Variants in TRAF3IP3 observed in about 807,000 individuals in gnomAD.
The protein encoded by TRAF3IP3 is TRAF3-interacting JNK-activating modulator.
A neutral mutation model predicts 86.5 loss-of-function variants in TRAF3IP3; 64 were observed. The ratio of observed to expected loss-of-function variants is 0.74; its 90% CI spans 0.60 to 0.91. The LOEUF is 0.91. Ranked by LOEUF, TRAF3IP3 falls within the 40% of genes least tolerant of loss-of-function variation. The pLI is 0.00. For missense variants in TRAF3IP3, 579 were observed against 642.9 expected (o/e 0.90, Z 1.07); for synonymous variants, 220 against 243.9 (o/e 0.90, Z 0.91).
chr1:209,780,663 G>A, intron 15 of TRAF3IP3, 57 bp downstream of exon 15: 4 of 1,429,730 alleles, frequency 2.8e-6, no homozygotes, highest in African/African-American at 1.5e-5. Flanking sequence ...GAGAAACCTG[G>A]GAGGCAGTCA....
At chr1:209,758,721 A>T (rs1404823146) in intron 1 of TRAF3IP3, 1 of 152,284 alleles carries the variant, frequency 6.6e-6, no homozygotes. Flanking sequence ...CTCTTCCTTC[A>T]TCAGTCCCTG....
At position 209,775,698 on chromosome 1, in the gene TRAF3IP3, C is replaced by T. The variant is rs1367702250; in HGVS notation, c.1015C>T (p.Leu339=). The change falls in exon 11 of 17, where the codon CTG becomes TTG. Residue 339 remains leucine, a synonymous_variant. Coordinates refer to ENST00000367025, the MANE Select transcript of TRAF3IP3 (RefSeq NM_025228.4). ...GACCCTTGGGACCCAGCACAGGGAG[C>T]TGGAGAGCCAACTCCACGTGCTTCA... is the stretch of plus-strand genomic sequence containing the variant. ...WRTLGTQHRE[L]ESQLHVLQSK... The T allele has an allele frequency of 1.9e-6, 3 of 1,613,712 alleles. No homozygotes were observed. In the Admixed American group the frequency reaches 5.0e-5, roughly 27 times the overall value.
intron 4 of TRAF3IP3, 45 bp downstream of exon 4, chr1:209,762,707 C>T (rs758035758): frequency 8.7e-7 from 1 of 1,152,020 alleles, no homozygotes; most frequent in Admixed American, 2.9e-5. Flanking sequence ...GCAGAGAATC[C>T]TGAGACAACT....
intron 1 of TRAF3IP3, among the ~76,000 whole-genome samples, chr1:209,757,079 T>C (rs966669236): frequency 6.6e-6 from 1 of 152,202 alleles, no homozygotes; most frequent in Admixed American, 6.5e-5. Context: ...AGGGTCCAGA[T>C]ATCCCAGAAA....
chr1:209,767,751 T>C (rs973718453), intron 8 of TRAF3IP3, among the ~76,000 whole-genome samples: 1 of 150,884 alleles, frequency 6.6e-6, no homozygotes, highest in African/African-American at 2.4e-5. Flanking sequence ...CAAGCAGGGG[T>C]TGGGGGAGTT....
At chr1:209,764,747 A>G (rs2077309692) in intron 8 of TRAF3IP3, among the ~76,000 whole-genome samples, 1 of 151,852 alleles carries the variant, frequency 6.6e-6, no homozygotes. Flanking sequence ...CCATCTCAAA[A>G]AAAAAAAAAA....
intron 8 of TRAF3IP3, among the ~76,000 whole-genome samples, chr1:209,769,985 T>A (rs1056118314): frequency 5.3e-5 from 8 of 152,028 alleles, no homozygotes; most frequent in African/African-American, 1.9e-4. Context: ...AACCCCTACC[T>A]GGGCAAAAGG....
chr1:209,780,446 C>T, intron 14 of TRAF3IP3, 24 bp from the exon 15 acceptor site: 1 of 1,535,792 alleles, frequency 6.5e-7, no homozygotes, highest in Non-Finnish European at 8.8e-7. Flanking sequence ...CTCACTGTCA[C>T]CAAGAATCTG....
intron 9 of TRAF3IP3, among the ~76,000 whole-genome samples, chr1:209,773,700 C>T (rs1262011959): frequency 2.0e-5 from 3 of 152,194 alleles, no homozygotes; most frequent in African/African-American, 7.2e-5. Flanking sequence ...ACATTGATGG[C>T]GTCTTACAGG....
chr1:209,772,861 G>A (rs2077575568), intron 8 of TRAF3IP3, 87 bp from the exon 9 acceptor site: 3 of 1,164,264 alleles, frequency 2.6e-6, no homozygotes, highest in African/African-American at 1.5e-5. Context: ...CCAACCATGT[G>A]CTGGGCAGTA....
At position 209,777,347 on chromosome 1, in the gene TRAF3IP3, T is replaced by C; in HGVS notation, c.1054-5T>C. 2 of 1,613,230 alleles carry C rather than the reference T, an allele frequency of 1.2e-6. No individual in the cohort carries two copies. The highest frequency in any genetic ancestry group is 8.5e-7 in the Non-Finnish European group (1 of 1,179,518). ...TTCTATATTGGCCCTTCCTCCTCCT[T>C]ACAGGGAGCAGATAGCAGGGACTTA... On this transcript the variant is annotated splice_region_variant and splice_polypyrimidine_tract_variant and intron_variant, in intron 11 of 16. Coordinates refer to ENST00000367025, the MANE Select transcript of TRAF3IP3 (RefSeq NM_025228.4).
intron 6 of TRAF3IP3, 93 bp downstream of exon 6, chr1:209,763,185 G>A (rs2077278427): frequency 2.7e-6 from 4 of 1,468,250 alleles, no homozygotes; most frequent in Admixed American, 1.7e-5. Flanking sequence ...GGATGGAGGG[G>A]CATCTTCTTC....
rs150599310 is a variant in TRAF3IP3, at chr1:209,764,706, T to G, written c.702+1119T>G. Among the ~76,000 whole-genome samples, 258 of 144,464 alleles carry G rather than the reference T, an allele frequency of 1.8e-3. 2 individuals are homozygous for G. The highest frequency in any genetic ancestry group is 6.5e-3 in the African/African-American group (245 of 37,834). The allele number at this position is 144,464 out of a possible 152,430, so 94.8% of individuals were successfully genotyped here. ...TTGCAGTAAGCTGAGATCACCTCAT[T>G]GCACTCCAGCCTGGACAAAAGAGCG... On this transcript the variant is annotated intron_variant, in intron 8 of 16. Transcript: ENST00000367025.
rs372806844 is a variant in TRAF3IP3, at chr1:209,762,873, G to A, written c.551+3G>A. The A allele has an allele frequency of 1.9e-6, 3 of 1,614,028 alleles. No individual in the cohort carries two copies. In the African/African-American group the frequency reaches 4.0e-5, roughly 22 times the overall value. On this transcript the variant is annotated splice_donor_region_variant and intron_variant, in intron 5 of 16. Transcript: ENST00000367025. ...AACGATGCCAGTCAGCAAACCAAGT[G>A]AGTTCCTGACCCTAACCCTCTCACA...
At chr1:209,763,160 T>C in intron 6 of TRAF3IP3, 68 bp downstream of exon 6, 3 of 1,557,456 alleles carry the variant, frequency 1.9e-6, no homozygotes, top group Non-Finnish European at 2.7e-6. Context: ...TGGAATTCCA[T>C]GATAAACTTG....
chr1:209,777,802 A>T, intron 12 of TRAF3IP3: 1 of 513,872 alleles, frequency 1.9e-6, no homozygotes, highest in South Asian at 2.8e-5. Flanking sequence ...TTTGAAAGGG[A>T]AAGGTCAGTT....
At chr1:209,763,195 C>T (rs2077278639) in intron 6 of TRAF3IP3, 103 bp downstream of exon 6, 2 of 1,425,178 alleles carry the variant, frequency 1.4e-6, no homozygotes, top group Admixed American at 3.4e-5. Flanking sequence ...GCATCTTCTT[C>T]CTGGATGGCA....
At chr1:209,757,245 G>C (rs568146026) in intron 1 of TRAF3IP3, among the ~76,000 whole-genome samples, 1 of 152,350 alleles carries the variant, frequency 6.6e-6, no homozygotes, top group Admixed American at 6.5e-5. Flanking sequence ...GCAGAGAGCA[G>C]AGCAGCTGTG....
chr1:209,776,165 T>C (rs550423988), intron 11 of TRAF3IP3: 1 of 156,698 alleles, frequency 6.4e-6, no homozygotes, highest in Non-Finnish European at 1.4e-5. Flanking sequence ...TTTTAAGCAA[T>C]TACATTTAGC....
Sources: gnomAD v4.1 joint callset for allele counts (sites outside exome capture counted in the v4.1 genomes callset) on GRCh38, gnomAD v4.1.1 for gene constraint, MANE v1.5 for transcripts, NCBI Gene and HGNC (gene_info 2026-07-23, HGNC 2026-07-21) for gene names.